Variants in RYR2 observed in about 807,000 individuals in gnomAD.
RYR2 encodes the protein ryanodine receptor 2, also known as cardiac muscle ryanodine receptor-calcium release channel.
A neutral mutation model predicts 601.1 loss-of-function variants in RYR2; 227 were observed. The ratio of observed to expected loss-of-function variants is 0.38; its 90% confidence interval spans 0.34 to 0.42. RYR2 has a LOEUF of 0.42. RYR2 is among the 10% of genes least tolerant of loss of function. RYR2 has a pLI of 1.00. For missense variants in RYR2, 4,646 were observed against 6,156.5 expected, an observed-to-expected ratio of 0.75 and a Z score of 8.21; for synonymous variants, 2,223 against 2,175.1, an observed-to-expected ratio of 1.02 and a Z score of -0.61.
intron 17 of RYR2, among the ~76,000 whole-genome samples, chr1:237,487,981 A>C (rs1186247444): frequency 1.2e-4 from 18 of 152,154 alleles, no homozygotes; most frequent in Admixed American, 1.2e-3. Flanking sequence ...GCTTTCTATT[A>C]GACTAGGCTA....
At chr1:237,456,044 G>C (rs916845721) in intron 15 of RYR2, among the ~76,000 whole-genome samples, 18 of 152,028 alleles carry the variant, frequency 1.2e-4, no homozygotes, top group African/African-American at 4.3e-4. Context: ...TTTAGATAGT[G>C]GTTTATATAG....
At chr1:237,266,569 C>T (rs1689081106) in intron 1 of RYR2, among the ~76,000 whole-genome samples, 1 of 152,166 alleles carries the variant, frequency 6.6e-6, no homozygotes, top group Non-Finnish European at 1.5e-5. Context: ...TAATTAAAGG[C>T]AACTGGAAGG....
Position 237,511,125 on chromosome 1 carries a change from A to C in RYR2, c.2719-563A>C, listed in dbSNP as rs1180546991. ...ACCCTTCTTACACAGGATTTATTTC[A>C]ATTTATAAAACGTGTCAAGTGCCTA... is the stretch of plus-strand genomic sequence containing the variant. On this transcript the variant is annotated intron_variant, in intron 23 of 104. Transcript: ENST00000366574. Among the ~76,000 whole-genome samples the C allele has an allele frequency of 3.9e-5, 6 of 152,176 alleles. No individual in the cohort carries two copies. The East Asian group carries it at 1.2e-3, about 29-fold the overall frequency.
chr1:237,159,417 TAGAC>T (rs1166663983), intron 1 of RYR2, among the ~76,000 whole-genome samples: 1 of 152,152 alleles, frequency 6.6e-6, no homozygotes, highest in African/African-American at 2.4e-5. Flanking sequence ...GGTGATCAAA[TAGAC>T]AGGAGAGATG....
intron 1 of RYR2, among the ~76,000 whole-genome samples, chr1:237,130,702 A>T (rs893151503): frequency 3.0e-5 from 1 of 33,028 alleles, no homozygotes; most frequent in African/African-American, 6.3e-5. Flanking sequence ...TCTCAAAATA[A>T]AAAAAAAAAA....
chr1:237,774,874 C>T lies in RYR2; in HGVS notation c.11775+1226C>T, dbSNP rs965834660. Reference sequence around the variant, plus strand: ...TAATATATTCCAAATGAAACATAACCGCCATTTCAGCTAAGAGTAGGCATT... The same window carrying T: ...TAATATATTCCAAATGAAACATAACTGCCATTTCAGCTAAGAGTAGGCATT... On this transcript the variant is annotated intron_variant, in intron 87 of 104. Coordinates refer to ENST00000366574, the MANE Select transcript of RYR2 (RefSeq NM_001035.3). Among the ~76,000 whole-genome samples, 195 of 151,996 alleles carry T rather than the reference C, an allele frequency of 1.3e-3. 1 individual carries two copies. Among genetic ancestry groups the T allele is most frequent in the African/African-American group, 4.2e-3 (173 of 41,476 alleles).
chr1:237,136,249 G>A (rs1672761413), intron 1 of RYR2, among the ~76,000 whole-genome samples: 1 of 152,202 alleles, frequency 6.6e-6, no homozygotes, highest in African/African-American at 2.4e-5. Flanking sequence ...GGCAAGTGAT[G>A]TGGACTGAGA....
At chr1:237,232,909 A>T (rs948731640) in intron 1 of RYR2, among the ~76,000 whole-genome samples, 5 of 152,168 alleles carry the variant, frequency 3.3e-5, no homozygotes, top group African/African-American at 1.2e-4. Context: ...ATCAAGTTTG[A>T]GTTTTTCCTC....
chr1:237,436,479 G>GTTTTTTTTTTTTTTTTTTTTTA (rs1707387688), intron 12 of RYR2, among the ~76,000 whole-genome samples: 1 of 16,598 alleles, frequency 6.0e-5, no homozygotes, highest in Non-Finnish European at 1.3e-4. Flanking sequence ...TTTTTTTTTT[G>GTTTTTTTTTTTTTTTTTTTTTA]CATTTCTGTC....
chr1:237,803,932 T>C (rs1236216529), intron 98 of RYR2, among the ~76,000 whole-genome samples: 1 of 152,174 alleles, frequency 6.6e-6, no homozygotes, highest in Non-Finnish European at 1.5e-5. Flanking sequence ...TCTAATTTAA[T>C]GGCTTTGCCA....
At chr1:237,157,588 C>G (rs1051172269) in intron 1 of RYR2, among the ~76,000 whole-genome samples, 1 of 152,066 alleles carries the variant, frequency 6.6e-6, no homozygotes, top group African/African-American at 2.4e-5. Context: ...TTTGCAGAAA[C>G]ATGGGTGAAA....
At chr1:237,535,655 A>G (rs1668543405) in intron 25 of RYR2, among the ~76,000 whole-genome samples, 1 of 152,190 alleles carries the variant, frequency 6.6e-6, no homozygotes, top group Admixed American at 6.5e-5. Context: ...AAGGGAAGTT[A>G]TAGTCCATTG....
chr1:237,792,135 G>C lies in RYR2; in HGVS notation c.13594G>C (p.Glu4532Gln). ...CACTTCTTCTGTGGTTGAAGGAAAGGAGCTCCCCACGAGAAGTTCAAGTGA... is the reference window on the plus strand; with the variant it reads ...CACTTCTTCTGTGGTTGAAGGAAAGCAGCTCCCCACGAGAAGTTCAAGTGA... Reference protein sequence around the residue: ...VSTSSVVEGKELPTRSSSENA... With the variant: ...VSTSSVVEGKQLPTRSSSENA... Residue 4532 changes from glutamate to glutamine, a missense_variant, in exon 94 of 105, where the codon GAG (glutamate) becomes CAG (glutamine). Coordinates refer to ENST00000366574, the MANE Select transcript of RYR2 (RefSeq NM_001035.3). 6.2e-7 allele frequency: 1 copy of C among 1,605,076 alleles called. No individual in the cohort carries two copies. The highest frequency in any genetic ancestry group is 8.5e-7 in the Non-Finnish European group (1 of 1,175,714).
At chr1:237,314,722 T>C (rs1694938671) in intron 2 of RYR2, among the ~76,000 whole-genome samples, 1 of 152,232 alleles carries the variant, frequency 6.6e-6, no homozygotes, top group African/African-American at 2.4e-5. Flanking sequence ...ATATATTATA[T>C]TGCTTGCTCC....
intron 1 of RYR2, among the ~76,000 whole-genome samples, chr1:237,266,144 G>A (rs1689033879): frequency 1.3e-5 from 2 of 152,204 alleles, no homozygotes; most frequent in African/African-American, 4.8e-5. Flanking sequence ...AAATGCAAAA[G>A]CAAGACATAT....
chr1:237,620,937 A>AG (rs1243491281), intron 38 of RYR2, among the ~76,000 whole-genome samples: 1 of 152,172 alleles, frequency 6.6e-6, no homozygotes, highest in Non-Finnish European at 1.5e-5. Flanking sequence ...CAAGGTTTGT[A>AG]GACTACTCCA....
At chr1:237,661,984 TC>T (rs1442057597) in intron 56 of RYR2, among the ~76,000 whole-genome samples, 1 of 152,092 alleles carries the variant, frequency 6.6e-6, no homozygotes, top group Non-Finnish European at 1.5e-5. Context: ...ATTATTCTTT[TC>T]CTGACCCCTC....
intron 58 of RYR2, among the ~76,000 whole-genome samples, chr1:237,669,586 G>A (rs1684689277): frequency 6.6e-6 from 1 of 150,606 alleles, no homozygotes; most frequent in Non-Finnish European, 1.5e-5. Flanking sequence ...GCAGTTGCCA[G>A]GCAGAGGGTC....
At chr1:237,827,936 CAAAAAAAAAAAAAAAAAA>C (rs58421624) in intron 101 of RYR2, among the ~76,000 whole-genome samples, 6 of 69,320 alleles carry the variant, frequency 8.7e-5, no homozygotes, top group South Asian at 6.6e-4. Context: ...GACTCCGTCT[CAAAAAAAAAAAAAAAAAA>C]AAAAAAAAAA....
Sources: gnomAD v4.1 joint callset for allele counts (sites outside exome capture counted in the v4.1 genomes callset) on GRCh38, gnomAD v4.1.1 for gene constraint, MANE v1.5 for transcripts, NCBI Gene and HGNC (gene_info 2026-07-23, HGNC 2026-07-21) for gene names.